The following FBXL17 variants were observed in gnomAD, a reference collection of about 807,000 sequenced individuals.
The protein encoded by FBXL17 is F-box and leucine rich repeat protein 17, also known as F-box/LRR-repeat protein 17.
In FBXL17, 22 loss-of-function variants were observed where a neutral mutation model predicts 66.2. The observed-to-expected ratio is 0.33, with a 90% CI of 0.24 to 0.47. The LOEUF is 0.47. FBXL17 is among the 20% of genes least tolerant of loss of function. The probability of loss-of-function intolerance (pLI) is 1.00; values close to 1 mark genes in which losing one functional copy is unlikely to be tolerated. For missense variants in FBXL17, 878 were observed against 948.2 expected, an observed-to-expected ratio of 0.93 and a Z score of 0.97; for synonymous variants, 474 against 400.5, an observed-to-expected ratio of 1.18 and a Z score of -2.19.
At chr5:108,213,263 G>C (rs556940643) in intron 5 of FBXL17, among the ~76,000 whole-genome samples, 3 of 152,284 alleles carry the variant, frequency 2.0e-5, no homozygotes, top group Non-Finnish European at 2.9e-5. Flanking sequence ...CAGACCACTT[G>C]GCTCCCTGGC....
chr5:108,202,336 G>C (rs1200693994), intron 5 of FBXL17, among the ~76,000 whole-genome samples: 25 of 152,070 alleles, frequency 1.6e-4, no homozygotes, highest in Non-Finnish European at 3.7e-4. Flanking sequence ...ATTACAACTA[G>C]AGTGTAAGTA....
chr5:107,955,122 T>C (rs1580244285), intron 7 of FBXL17, among the ~76,000 whole-genome samples: 1 of 151,990 alleles, frequency 6.6e-6, no homozygotes, highest in African/African-American at 2.4e-5. Flanking sequence ...GCTAGTAAAC[T>C]AGAAAGGATG....
chr5:108,269,589 T>A (rs1242005466), intron 4 of FBXL17, among the ~76,000 whole-genome samples: 1 of 152,070 alleles, frequency 6.6e-6, no homozygotes, highest in African/African-American at 2.4e-5. Flanking sequence ...CTTCATTCTC[T>A]AGACCTGGAG....
chr5:108,177,718 C>T (rs796768931), intron 6 of FBXL17, among the ~76,000 whole-genome samples: 71 of 151,930 alleles, frequency 4.7e-4, no homozygotes, highest in African/African-American at 1.7e-3. Flanking sequence ...GTCTTGGTTC[C>T]TCTAGTTGTG....
At chr5:108,105,800 G>A (rs1158506966) in intron 6 of FBXL17, among the ~76,000 whole-genome samples, 3 of 152,092 alleles carry the variant, frequency 2.0e-5, no homozygotes, top group African/African-American at 7.2e-5. Context: ...AATTTAAAAC[G>A]TGTTTAGGGT....
chr5:108,230,758 A>G (rs1464967820), intron 4 of FBXL17, among the ~76,000 whole-genome samples: 3 of 149,180 alleles, frequency 2.0e-5, no homozygotes, highest in East Asian at 2.0e-4. Flanking sequence ...ATCTAAAGGC[A>G]TAAGAATGAT....
intron 4 of FBXL17, among the ~76,000 whole-genome samples, chr5:108,322,500 A>G (rs1759665279): frequency 6.6e-6 from 1 of 152,032 alleles, no homozygotes; most frequent in Admixed American, 6.6e-5. Flanking sequence ...TTGTATAAGA[A>G]AAGAATAATA....
At chr5:107,953,743 CT>C (rs1396392054) in intron 7 of FBXL17, among the ~76,000 whole-genome samples, 6 of 152,136 alleles carry the variant, frequency 3.9e-5, no homozygotes, top group African/African-American at 1.4e-4. Context: ...TGACTCCTTC[CT>C]TTTTACCTTC....
At chr5:108,004,314 T>A (rs1254992041) in intron 7 of FBXL17, among the ~76,000 whole-genome samples, 1 of 152,164 alleles carries the variant, frequency 6.6e-6, no homozygotes, top group African/African-American at 2.4e-5. Context: ...CCCCATTTTT[T>A]AATAAAAAGT....
At chr5:108,022,577 T>C (rs1448100692) in intron 6 of FBXL17, among the ~76,000 whole-genome samples, 2 of 152,054 alleles carry the variant, frequency 1.3e-5, no homozygotes, top group African/African-American at 4.8e-5. Flanking sequence ...ACATCCAATA[T>C]TTTGTGTGGC....
chr5:108,101,102 TAA>T (rs1452164485), intron 6 of FBXL17, among the ~76,000 whole-genome samples: 3 of 152,186 alleles, frequency 2.0e-5, no homozygotes, highest in African/African-American at 7.2e-5. Context: ...AGCTCCCAAA[TAA>T]AAGAGTAGAG....
At chr5:108,373,582 T>C (rs1037018184) in intron 1 of FBXL17, among the ~76,000 whole-genome samples, 21 of 152,052 alleles carry the variant, frequency 1.4e-4, no homozygotes, top group Non-Finnish European at 2.6e-4. Context: ...TATCACTAAT[T>C]ACACTAAATG....
chr5:108,381,432 CGCG>C lies in FBXL17; in HGVS notation c.257_259del (p.Pro86del). 24 of 1,315,622 alleles carry C rather than the reference CGCG, an allele frequency of 1.8e-5. No individual in the cohort carries two copies. Among genetic ancestry groups the C allele is most frequent in the South Asian group, 6.7e-5 (3 of 44,698 alleles). 81.5% of individuals were successfully genotyped at this position (1,315,622 alleles called of 1,614,324 possible). On this transcript the variant is annotated inframe_deletion, in exon 1 of 9. Transcript: ENST00000542267. ...GGAGGCGGCAGCGTAGGCCCCGTCC[CGCG>C]GCGGCGGCGAGAGCGGCGGCTCCTC...
At position 108,163,399 on chromosome 5, in the gene FBXL17, CTT is replaced by C. The variant is rs764052812; in HGVS notation, c.1745+22716_1745+22717del. Among the ~76,000 whole-genome samples, 471 of 129,504 alleles carry C rather than the reference CTT, an allele frequency of 3.6e-3. 1 individual carries two copies. Among genetic ancestry groups the C allele is most frequent in the African/African-American group, 0.015 (447 of 29,938 alleles). The allele number at this position is 129,504 out of a possible 152,430, so 85.0% of individuals were successfully genotyped here. A position where few individuals can be genotyped will look rare whatever the true frequency, so the allele number is the denominator to read the frequency against. ...GCAGGACATGAAAACTTTTTTTTTT[CTT>C]TTTTTTTTTTTTTTTTTGAGACAGA... is the stretch of plus-strand genomic sequence containing the variant. On this transcript the variant is annotated intron_variant, in intron 6 of 8. Transcript: ENST00000542267.
At chr5:107,978,577 G>C (rs1752678604) in intron 7 of FBXL17, among the ~76,000 whole-genome samples, 1 of 152,148 alleles carries the variant, frequency 6.6e-6, no homozygotes, top group Non-Finnish European at 1.5e-5. Context: ...GCCACTGACT[G>C]ATTCTACCTG....
At chr5:108,051,954 T>A (rs2900120) in intron 6 of FBXL17, among the ~76,000 whole-genome samples, 3 of 150,420 alleles carry the variant, frequency 2.0e-5, no homozygotes, top group African/African-American at 4.9e-5. Flanking sequence ...TCTAAAAAAA[T>A]ACAAAAAAAC....
intron 8 of FBXL17, chr5:107,879,417 G>A (rs1748710284): frequency 1.0e-6 from 1 of 985,324 alleles, no homozygotes; most frequent in African/African-American, 1.7e-5. Context: ...GCGGCATTAG[G>A]TTGGTTAGTG....
intron 4 of FBXL17, among the ~76,000 whole-genome samples, chr5:108,281,616 C>T (rs1192749423): frequency 6.6e-6 from 1 of 151,582 alleles, no homozygotes; most frequent in Non-Finnish European, 1.5e-5. Context: ...AACAATACAT[C>T]TCCAGAAACC....
chr5:107,958,811 G>T (rs1441361465), intron 7 of FBXL17, among the ~76,000 whole-genome samples: 1 of 152,162 alleles, frequency 6.6e-6, no homozygotes, highest in Admixed American at 6.5e-5. Context: ...TAAGTTAAAA[G>T]AATTACATTC....
Sources: gnomAD v4.1 joint callset for allele counts (sites outside exome capture counted in the v4.1 genomes callset) on GRCh38, gnomAD v4.1.1 for gene constraint, MANE v1.5 for transcripts, NCBI Gene and HGNC (gene_info 2026-07-23, HGNC 2026-07-21) for gene names.